The following WIPF1 variants were observed in gnomAD, a reference collection of about 807,000 sequenced individuals.
The protein encoded by WIPF1 is WAS/WASL interacting protein family member 1.
In WIPF1, 13 loss-of-function variants were observed where a neutral mutation model predicts 35.4. That is an observed-to-expected ratio of 0.37 (90% CI 0.24 to 0.58). WIPF1 has a LOEUF of 0.58. Among genes scored for constraint, WIPF1 ranks in the 20% least tolerant of loss-of-function variants. The pLI, the probability that WIPF1 is intolerant of heterozygous loss-of-function variation, is 0.74. For synonymous variants in WIPF1, 267 were observed against 266.3 expected, an observed-to-expected ratio of 1.00 and a Z score of -0.02; for missense variants, 591 against 667.0, an observed-to-expected ratio of 0.89 and a Z score of 1.25.
At position 174,607,011 on chromosome 2, in the gene WIPF1, G is replaced by A. The variant is rs149254180; in HGVS notation, c.-38-21400C>T. Among the ~76,000 whole-genome samples, 105 of 152,298 alleles carry A rather than the reference G, an allele frequency of 6.9e-4. 1 individual carries two copies. The highest frequency in any genetic ancestry group is 1.2e-3 in the Non-Finnish European group (83 of 68,026). ...GAAGGCAAGAGAGCATGCACAATGA[G>A]AGGCAGGGAAGGAAGGAAACAGAAT... On this transcript the variant is annotated intron_variant, in intron 1 of 8. Coordinates refer to the WIPF1 transcript ENST00000272746.
At chr2:174,651,930 G>C (rs530690591) in intron 1 of WIPF1, among the ~76,000 whole-genome samples, 14 of 152,290 alleles carry the variant, frequency 9.2e-5, no homozygotes, top group East Asian at 3.9e-4. Flanking sequence ...TTCCAAGAAG[G>C]CTTCTTCATG....
In WIPF1 at chr2:174,571,638, T is replaced by G; in HGVS notation, c.1129+38A>C. 3 of 1,613,934 alleles carry G rather than the reference T, an allele frequency of 1.9e-6. No homozygotes were observed. The highest frequency in any genetic ancestry group is 2.5e-6 in the Non-Finnish European group (3 of 1,179,914). ...GGATTATTGGTACATTTGGGCAGGCTGGGTTTTGGAAGCAACTCACTCCAC... is the reference window on the plus strand; with the variant it reads ...GGATTATTGGTACATTTGGGCAGGCGGGGTTTTGGAAGCAACTCACTCCAC... On this transcript the variant is annotated intron_variant, in intron 5 of 7. Transcript: ENST00000679041. The surrounding 1 kb of genome is among the most constrained non-coding windows in gnomAD (Gnocchi z 4.6).
At chr2:174,642,903 C>T (rs1687329429) in intron 1 of WIPF1, among the ~76,000 whole-genome samples, 2 of 149,432 alleles carry the variant, frequency 1.3e-5, no homozygotes, top group South Asian at 4.1e-4. Flanking sequence ...TTTTCCAGTC[C>T]TTTTAAATAA....
rs201208878 is a variant in WIPF1, at chr2:174,567,105, C to T, written c.1421G>A (p.Ser474Asn). The change falls in exon 7 of 8, where the codon AGT becomes AAT. Residue 474 changes from serine to asparagine, a missense_variant. By Grantham distance (46) the Ser-to-Asn change is conservative. Coordinates refer to ENST00000679041, the MANE Select transcript of WIPF1 (RefSeq NM_001375834.1). ...PPEPYVQTTKSYPSKLARNES... is the reference protein window; with the variant it reads ...PPEPYVQTTKNYPSKLARNES... ...GTTTCTTGCCAGTTTGCTGGGATAA[C>T]TTTTGGTCGTTTGTACATATGGCTC... 1.9e-6 allele frequency: 3 copies of T among 1,614,210 alleles called. No individual in the cohort carries two copies. The highest frequency in any genetic ancestry group is 4.5e-5 in the East Asian group (2 of 44,884).
intron 1 of WIPF1, among the ~76,000 whole-genome samples, chr2:174,613,668 C>T (rs2105903105): frequency 6.6e-6 from 1 of 152,264 alleles, no homozygotes. Flanking sequence ...AGCAGAACTT[C>T]TCCCCAGTTC....
intron 3 of WIPF1, 29 bp from the exon 4 acceptor site, chr2:174,575,409 A>G (rs1685022744): frequency 2.5e-6 from 4 of 1,581,702 alleles, no homozygotes; most frequent in African/African-American, 1.3e-5. Flanking sequence ...CCGACAGACT[A>G]TGCCCCCTGG....
At position 174,623,885 on chromosome 2, in the gene WIPF1, C is replaced by A. The variant is rs1170883134; in HGVS notation, c.-38-38274G>T. ...GTGTTAAATATTAACACAGAAAAAA[C>A]CCCTGTGTTAAAGGATGCAGTCTAT... On this transcript the variant is annotated intron_variant, in intron 1 of 8. Transcript: ENST00000272746. Among the ~76,000 whole-genome samples, 6 of 152,152 alleles carry A rather than the reference C, an allele frequency of 3.9e-5. No homozygotes were observed. In the South Asian group the frequency reaches 8.3e-4, roughly 21 times the overall value.
chr2:174,589,732 AC>A (rs1478213659), intron 1 of WIPF1, among the ~76,000 whole-genome samples: 2 of 95,796 alleles, frequency 2.1e-5, no homozygotes, highest in African/African-American at 7.9e-5. Context: ...ATATTCTTTC[AC>A]CCATAGTTTT....
chr2:174,610,779 C>A (rs1449774870), intron 1 of WIPF1, among the ~76,000 whole-genome samples: 2 of 152,106 alleles, frequency 1.3e-5, no homozygotes, highest in Non-Finnish European at 2.9e-5. Flanking sequence ...CCTTGGTCAA[C>A]AGCTCACCCA....
chr2:174,562,681 C>G, intron 7 of WIPF1, 79 bp from the exon 8 acceptor site: 2 of 1,558,812 alleles, frequency 1.3e-6, no homozygotes, highest in Non-Finnish European at 8.7e-7. Context: ...GATGGTTGCA[C>G]GGGTACCCAC....
chr2:174,609,736 G>C (rs1220721332), intron 1 of WIPF1, among the ~76,000 whole-genome samples: 1 of 152,210 alleles, frequency 6.6e-6, no homozygotes, highest in African/African-American at 2.4e-5. Context: ...GTGGGCACGG[G>C]GTCAGTCGGG....
intron 1 of WIPF1, among the ~76,000 whole-genome samples, chr2:174,604,262 G>A (rs1183129535): frequency 6.6e-6 from 1 of 152,174 alleles, no homozygotes; most frequent in African/African-American, 2.4e-5. Context: ...ACTGTGACAT[G>A]CAGTTACCAC....
chr2:174,669,311 G>C (rs2105983948), intron 1 of WIPF1, among the ~76,000 whole-genome samples: 1 of 152,192 alleles, frequency 6.6e-6, no homozygotes, highest in African/African-American at 2.4e-5. Flanking sequence ...AATTCCATTG[G>C]CCTCCAATAT....
intron 2 of WIPF1, among the ~76,000 whole-genome samples, chr2:174,585,157 C>T (rs188811083): frequency 1.3e-5 from 2 of 152,166 alleles, no homozygotes; most frequent in East Asian, 3.9e-4. Context: ...ACCGTCCAGC[C>T]CAGAAGTTAA....
chr2:174,598,387 C>T (rs1685891114), upstream of WIPF1, among the ~76,000 whole-genome samples: 1 of 152,154 alleles, frequency 6.6e-6, no homozygotes, highest in African/African-American at 2.4e-5. Flanking sequence ...TCATAGCTCC[C>T]TGTGGCCCTG....
chr2:174,600,826 A>C (rs889160851), upstream of WIPF1, among the ~76,000 whole-genome samples: 2 of 151,338 alleles, frequency 1.3e-5, no homozygotes, highest in Non-Finnish European at 2.9e-5. Flanking sequence ...TTGCTTCAGC[A>C]TCTAATGCAG....
intron 1 of WIPF1, chr2:174,665,301 T>C (rs1488016755): frequency 6.6e-6 from 1 of 152,232 alleles, no homozygotes; most frequent in African/African-American, 2.4e-5. Context: ...CATTCGTGTC[T>C]GGACAATGCA....
At chr2:174,632,587 T>C (rs1417507236) in intron 1 of WIPF1, among the ~76,000 whole-genome samples, 1 of 151,562 alleles carries the variant, frequency 6.6e-6, no homozygotes, top group East Asian at 2.0e-4. Flanking sequence ...TGCATGCCTG[T>C]AATCCCAGCT....
chr2:174,646,492 T>C (rs1443003706), intron 1 of WIPF1, among the ~76,000 whole-genome samples: 1 of 152,244 alleles, frequency 6.6e-6, no homozygotes, highest in Non-Finnish European at 1.5e-5. Context: ...TTAAATGTGA[T>C]GCTGCAAAGA....
Sources: gnomAD v4.1 joint callset for allele counts (sites outside exome capture counted in the v4.1 genomes callset) on GRCh38, gnomAD v4.1.1 for gene constraint, Gnocchi (gnomAD v3.1) non-coding constraint, MANE v1.5 for transcripts, NCBI Gene and HGNC (gene_info 2026-07-23, HGNC 2026-07-21) for gene names.